The following LRPPRC variants were observed in gnomAD, a reference collection of about 807,000 sequenced individuals.
The protein encoded by LRPPRC is leucine rich pentatricopeptide repeat containing.
A neutral mutation model predicts 180.3 loss-of-function variants in LRPPRC; 120 were observed. The ratio of observed to expected loss-of-function variants is 0.67; its 90% CI spans 0.57 to 0.77. The LOEUF (loss-of-function observed/expected upper bound fraction) is 0.77, where lower values mean the gene tolerates loss of function less well. LRPPRC is among the 30% of genes least tolerant of loss of function. The probability of loss-of-function intolerance (pLI) is 0.00; values close to 1 mark genes in which losing one functional copy is unlikely to be tolerated. For synonymous variants in LRPPRC, 723 were observed against 600.0 expected, an observed-to-expected ratio of 1.21 and a Z score of -3.00; for missense variants, 2,012 against 1,657.2, an observed-to-expected ratio of 1.21 and a Z score of -3.72.
At position 43,973,587 on chromosome 2, in the gene LRPPRC, G is replaced by T; in HGVS notation, c.1369+20C>A. 6.5e-7 allele frequency: 1 copy of T among 1,531,414 alleles called. No homozygotes were observed. The highest frequency in any genetic ancestry group is 1.1e-5 in the South Asian group (1 of 89,370). 94.9% of individuals were successfully genotyped at this position (1,531,414 alleles called of 1,614,324 possible). On this transcript the variant is annotated intron_variant, in intron 11 of 37. Coordinates refer to ENST00000260665, the MANE Select transcript of LRPPRC (RefSeq NM_133259.4). ...CTGGCTCTGGGAACCATTACAAATC[G>T]GTAAAAGGCAAAATCTAACCTTGAA...
chr2:43,991,169 A>G (rs906280355), intron 1 of LRPPRC, among the ~76,000 whole-genome samples: 3 of 151,740 alleles, frequency 2.0e-5, no homozygotes, highest in African/African-American at 7.3e-5. Context: ...AGCTGGGACT[A>G]CAGGCGCCCG....
rs191659386 is a variant in LRPPRC at position 43,970,880 on chromosome 2, C to T, written c.1369+2727G>A. Among the ~76,000 whole-genome samples, 32 of 152,262 alleles carry T rather than the reference C, an allele frequency of 2.1e-4. 1 individual carries two copies. The East Asian group carries it at 5.4e-3, about 26-fold the overall frequency. On this transcript the variant is annotated intron_variant, in intron 11 of 37. Coordinates refer to ENST00000260665, the MANE Select transcript of LRPPRC (RefSeq NM_133259.4). ...TTTGGGAGGCTGTGGCGGGTGATCA[C>T]GTGAGGTCAGGAGTTTGAGACCAGC...
At position 43,974,735 on chromosome 2, in the gene LRPPRC, G is replaced by A. The variant is rs762093225; in HGVS notation, c.888C>T (p.Ser296=). The A allele has an allele frequency of 2.7e-5, 44 of 1,613,354 alleles. No homozygotes were observed. The African/African-American group carries it at 2.8e-4, about 10-fold the overall frequency. The change falls in exon 8 of 38, where the codon TCC becomes TCT. Residue 296 remains serine (S), a synonymous_variant. Transcript: ENST00000260665. Reference sequence around the variant, plus strand: ...AATCACGGTCCATAAGGTGAAGCTCGGACTTCTCCACCTTCTCCAGAGTCT... The same window carrying A: ...AATCACGGTCCATAAGGTGAAGCTCAGACTTCTCCACCTTCTCCAGAGTCT... The part of the protein sequence containing the change: ...VKQTLEKVEK[S]ELHLMDRDLL...
chr2:43,916,683 G>C (rs1253220347), intron 29 of LRPPRC, among the ~76,000 whole-genome samples: 1 of 152,074 alleles, frequency 6.6e-6, no homozygotes, highest in Non-Finnish European at 1.5e-5. Flanking sequence ...GTTGGGGGTG[G>C]TGGCTCATAC....
At chr2:43,972,171 C>A (rs549491498) in intron 11 of LRPPRC, among the ~76,000 whole-genome samples, 56 of 152,264 alleles carry the variant, frequency 3.7e-4, no homozygotes, top group African/African-American at 1.3e-3. Flanking sequence ...CCTAATCACA[C>A]CTAGACGTGG....
intron 34 of LRPPRC, among the ~76,000 whole-genome samples, chr2:43,897,717 G>A (rs571757053): frequency 3.5e-4 from 53 of 151,674 alleles, no homozygotes; most frequent in Admixed American, 2.0e-3. Flanking sequence ...TGCAGATAAC[G>A]CAGTTCTTTC....
chr2:43,996,124 C>A, upstream of LRPPRC: 2 of 560,930 alleles, frequency 3.6e-6, no homozygotes, highest in East Asian at 6.7e-5. Context: ...GACAGAAGAC[C>A]CAATGTAATA....
intron 1 of LRPPRC, among the ~76,000 whole-genome samples, chr2:43,983,334 GA>G (rs66595341): frequency 4.0e-5 from 6 of 151,274 alleles, no homozygotes; most frequent in Admixed American, 2.0e-4. Context: ...CAGAGACTAG[GA>G]AAAAAAACAC....
At position 43,914,794 on chromosome 2, in the gene LRPPRC, G is replaced by C. The variant is rs181811233; in HGVS notation, c.3149-2236C>G. ...TTAGATAAATGAAAATTCCAGAATA[G>C]AGGTAGCTCCACATTTATAATACAC... On this transcript the variant is annotated intron_variant, in intron 29 of 37. Coordinates refer to ENST00000260665, the MANE Select transcript of LRPPRC (RefSeq NM_133259.4). 1.9e-3 allele frequency among the ~76,000 whole-genome samples: 292 copies of C among 152,190 alleles called. 3 individuals carry two copies. The highest frequency in any genetic ancestry group is 6.6e-3 in the African/African-American group (276 of 41,516).
At chr2:43,931,666 A>C (rs1672092422) in intron 25 of LRPPRC, among the ~76,000 whole-genome samples, 1 of 152,186 alleles carries the variant, frequency 6.6e-6, no homozygotes, top group East Asian at 1.9e-4. Flanking sequence ...GTCATCTCAA[A>C]TGCTATGTAA....
At chr2:43,940,678 G>A (rs1231086934) in intron 23 of LRPPRC, among the ~76,000 whole-genome samples, 1 of 152,070 alleles carries the variant, frequency 6.6e-6, no homozygotes, top group East Asian at 1.9e-4. Flanking sequence ...AACCAAAATG[G>A]ATCAGGTATA....
At chr2:43,899,175 T>G (rs1447344683) in intron 34 of LRPPRC, 44 bp downstream of exon 34, 3 of 1,352,900 alleles carry the variant, frequency 2.2e-6, no homozygotes, top group Admixed American at 1.7e-5. Context: ...ATTTACTTCT[T>G]GCAAGCCTCG....
At chr2:43,995,099 G>A (rs1674966774) in intron 1 of LRPPRC, among the ~76,000 whole-genome samples, 2 of 152,130 alleles carry the variant, frequency 1.3e-5, no homozygotes, top group Non-Finnish European at 2.9e-5. Flanking sequence ...AAGTTAGCCT[G>A]GCATGGTGGC....
At position 43,887,646 on chromosome 2, in the gene LRPPRC, A is replaced by T. The variant is rs1010186202; in HGVS notation, c.*954T>A. 8 of 152,240 alleles carry T rather than the reference A, an allele frequency of 5.3e-5. No individual in the cohort carries two copies. The highest frequency in any genetic ancestry group is 1.7e-4 in the African/African-American group (7 of 41,456). 9.4% of individuals were successfully genotyped at this position (152,240 alleles called of 1,614,324 possible). On this transcript the variant is annotated 3_prime_UTR_variant, in exon 38 of 38. Transcript: ENST00000260665. The stretch of plus-strand genomic sequence containing the variant: ...TCCAGTTAGGTCAATATTCCATATT[A>T]TTAAGACACCTTTTATAATGGCAAA...
At chr2:43,995,296 C>T (rs1018729696) in intron 1 of LRPPRC, among the ~76,000 whole-genome samples, 2 of 152,204 alleles carry the variant, frequency 1.3e-5, no homozygotes, top group Admixed American at 6.5e-5. Flanking sequence ...TGATCATAAT[C>T]CAGCGTCCAG....
chr2:43,922,628 G>A (rs1006683805), intron 27 of LRPPRC, among the ~76,000 whole-genome samples: 1 of 152,056 alleles, frequency 6.6e-6, no homozygotes, highest in Non-Finnish European at 1.5e-5. Flanking sequence ...GTGTGGTGGC[G>A]GGCGCCTGTA....
chr2:43,929,040 T>G (rs892791536), intron 25 of LRPPRC, among the ~76,000 whole-genome samples: 9 of 152,174 alleles, frequency 5.9e-5, no homozygotes, highest in African/African-American at 1.9e-4. Context: ...TTAAGGAAAT[T>G]GTAAGAAAGA....
chr2:43,971,812 TAAAAG>T (rs1673828562), intron 11 of LRPPRC, among the ~76,000 whole-genome samples: 1 of 152,242 alleles, frequency 6.6e-6, no homozygotes, highest in African/African-American at 2.4e-5. Flanking sequence ...CTCTGTTATA[TAAAAG>T]AAGACTGTAG....
chr2:43,962,455 G>A (rs537150029), intron 12 of LRPPRC, among the ~76,000 whole-genome samples: 1 of 152,336 alleles, frequency 6.6e-6, no homozygotes, highest in Non-Finnish European at 1.5e-5. Flanking sequence ...GAATGACTGT[G>A]TAGGAAACAT....
Sources: allele counts gnomAD v4.1 joint callset (sites outside exome capture counted in the v4.1 genomes callset), GRCh38; gene constraint gnomAD v4.1.1; transcripts MANE v1.5; gene names NCBI Gene and HGNC (gene_info 2026-07-23, HGNC 2026-07-21).